Variants in UCK2 observed in about 807,000 individuals in gnomAD.
UCK2 encodes uridine-cytidine kinase 2, also known as cytidine monophosphokinase 2.
Under a neutral mutation model 30.8 loss-of-function variants are expected in UCK2, and 6 were observed. The ratio of observed to expected loss-of-function variants is 0.19; its 90% CI spans 0.11 to 0.38. UCK2 has a LOEUF of 0.38. Among genes scored for constraint, UCK2 ranks in the 10% least tolerant of loss-of-function variants. The pLI is 1.00. For synonymous variants in UCK2, 125 were observed against 133.6 expected, an observed-to-expected ratio of 0.94 and a Z score of 0.45; for missense variants, 210 against 339.8, an observed-to-expected ratio of 0.62 and a Z score of 3.00.
At chr1:165,829,041 C>T (rs1218443466) in intron 1 of UCK2, among the ~76,000 whole-genome samples, 1 of 152,074 alleles carries the variant, frequency 6.6e-6, no homozygotes, top group Non-Finnish European at 1.5e-5. Context: ...GTTTTAGCTC[C>T]CGAACCGACT....
chr1:165,873,992 A>G (rs1170721056), intron 1 of UCK2, among the ~76,000 whole-genome samples: 1 of 152,174 alleles, frequency 6.6e-6, no homozygotes, highest in African/African-American at 2.4e-5. Flanking sequence ...AAACATAGGT[A>G]ATGACTTTAG....
chr1:165,885,657 C>A (rs776368851), intron 1 of UCK2, among the ~76,000 whole-genome samples: 3 of 152,224 alleles, frequency 2.0e-5, no homozygotes, highest in South Asian at 2.1e-4. Context: ...GCCTGTGAGA[C>A]AGCGCTATGC....
At chr1:165,882,151 T>A (rs1204377992) in intron 1 of UCK2, among the ~76,000 whole-genome samples, 1 of 152,168 alleles carries the variant, frequency 6.6e-6, no homozygotes, top group Non-Finnish European at 1.5e-5. Flanking sequence ...TGGGTAAATA[T>A]CTGGAGGTCG....
chr1:165,834,460 A>G (rs1326587922), intron 1 of UCK2, among the ~76,000 whole-genome samples: 3 of 152,128 alleles, frequency 2.0e-5, no homozygotes, highest in Non-Finnish European at 4.4e-5. Flanking sequence ...GCAAGACCCT[A>G]TATCAGAAAA....
At chr1:165,899,265 C>T (rs1647378787) in intron 4 of UCK2, among the ~76,000 whole-genome samples, 1 of 152,266 alleles carries the variant, frequency 6.6e-6, no homozygotes. Context: ...TTTCTAGCCT[C>T]ATTTGCCTTC....
At chr1:165,859,854 T>G (rs534214806) in intron 1 of UCK2, among the ~76,000 whole-genome samples, 5 of 152,144 alleles carry the variant, frequency 3.3e-5, no homozygotes, top group African/African-American at 9.6e-5. Context: ...CTTCCCAAAC[T>G]CAACTCTGGG....
At chr1:165,872,048 C>T (rs1189989886) in intron 1 of UCK2, among the ~76,000 whole-genome samples, 9 of 151,234 alleles carry the variant, frequency 6.0e-5, no homozygotes, top group East Asian at 1.9e-4. Context: ...CTCTTTTTGC[C>T]GGCTGCTCTA....
chr1:165,877,787 G>A (rs1400647723), intron 1 of UCK2, among the ~76,000 whole-genome samples: 1 of 152,110 alleles, frequency 6.6e-6, no homozygotes, highest in Non-Finnish European at 1.5e-5. Context: ...TGATCATATG[G>A]TAGTTTAGTT....
rs558523129 is a variant in UCK2, at chr1:165,889,829, C to T, written c.100-375C>T. On this transcript the variant is annotated intron_variant, in intron 1 of 6. Transcript: ENST00000367879. The stretch of plus-strand genomic sequence containing the variant: ...GTACCCATTAGTTATTTTTCCTTAT[C>T]CTCTGCTTCCTCCCACCCGCCACCT... Among the ~76,000 whole-genome samples, 63 of 151,632 alleles carry T rather than the reference C, an allele frequency of 4.2e-4. 2 individuals carry two copies. The highest frequency in any genetic ancestry group is 3.3e-3 in the South Asian group (16 of 4,780).
In UCK2 at chr1:165,909,696, C is replaced by T. The variant is rs1476874769; in HGVS notation, c.*1873C>T. On this transcript the variant is annotated 3_prime_UTR_variant, in exon 7 of 7. Transcript: ENST00000367879. ...TGCCTCCTTTGAAAGCCGGTGCTCACCAAGATCAGTTCAGGATCAATCATT... is the reference window on the plus strand; with the variant it reads ...TGCCTCCTTTGAAAGCCGGTGCTCATCAAGATCAGTTCAGGATCAATCATT... 6.6e-6 allele frequency: 1 copy of T among 152,270 alleles called. No homozygotes were observed. The allele number at this position is 152,270 out of a possible 1,614,324, so 9.4% of individuals were successfully genotyped here.
intron 2 of UCK2, 114 bp from the exon 3 acceptor site, chr1:165,891,112 T>G: frequency 1.1e-6 from 1 of 916,324 alleles, no homozygotes; most frequent in East Asian, 2.7e-5. Context: ...AGCAGTATGA[T>G]TACCTTTAAA....
At chr1:165,888,740 C>T (rs571444577) in intron 1 of UCK2, among the ~76,000 whole-genome samples, 11 of 149,790 alleles carry the variant, frequency 7.3e-5, no homozygotes, top group Admixed American at 1.3e-4. Flanking sequence ...CCTTCAGCCT[C>T]CCAAAGTTAT....
rs1428126805 is a variant in UCK2, at chr1:165,910,419, G to C, written c.*2596G>C. The C allele has an allele frequency of 6.6e-6, 1 of 152,272 alleles. No homozygotes were observed. The highest frequency in any genetic ancestry group is 2.4e-5 in the African/African-American group (1 of 41,370). The allele number at this position is 152,272 out of a possible 1,614,324, so 9.4% of individuals were successfully genotyped here. On this transcript the variant is annotated 3_prime_UTR_variant, in exon 7 of 7. Transcript: ENST00000367879. The stretch of plus-strand genomic sequence containing the variant: ...GAGTGGGGTGATGTTGGTTGTATGT[G>C]CATAGAAGTCCCCTGGCTCCAGAGC...
intron 1 of UCK2, among the ~76,000 whole-genome samples, chr1:165,833,308 C>T (rs1654100203): frequency 6.6e-6 from 1 of 152,150 alleles, no homozygotes. Flanking sequence ...TCCCTTTCCC[C>T]CTTACTCTAG....
In UCK2 at chr1:165,883,205, A is replaced by G. The variant is rs377389757; in HGVS notation, c.100-6999A>G. On this transcript the variant is annotated intron_variant, in intron 1 of 6. Coordinates refer to ENST00000367879, the MANE Select transcript of UCK2 (RefSeq NM_012474.5). ...TTAGTTAGAATGATAGCAGTGCTGC[A>G]AGGTGGCTGCTTGAGCTTCAGCTAT... Among the ~76,000 whole-genome samples the G allele has an allele frequency of 5.3e-5, 8 of 152,206 alleles. No homozygotes were observed. The East Asian group carries it at 7.7e-4, about 15-fold the overall frequency.
At chr1:165,872,603 A>G (rs1470898406) in intron 1 of UCK2, among the ~76,000 whole-genome samples, 2 of 152,248 alleles carry the variant, frequency 1.3e-5, no homozygotes, top group Non-Finnish European at 2.9e-5. Flanking sequence ...ATGTATATCC[A>G]TACATTAAGT....
chr1:165,855,908 G>A (rs917472615), intron 1 of UCK2, among the ~76,000 whole-genome samples: 12 of 152,078 alleles, frequency 7.9e-5, no homozygotes, highest in Middle Eastern at 3.2e-3. Context: ...TCTCTGCTTG[G>A]CCTTTTTACG....
intron 1 of UCK2, among the ~76,000 whole-genome samples, chr1:165,845,930 G>A (rs939051016): frequency 2.0e-5 from 3 of 152,180 alleles, no homozygotes; most frequent in Non-Finnish European, 2.9e-5. Flanking sequence ...GCCTCCGAAA[G>A]TGTTGGGGTT....
chr1:165,897,424 A>T (rs985133124), intron 4 of UCK2, among the ~76,000 whole-genome samples: 14 of 151,876 alleles, frequency 9.2e-5, no homozygotes, highest in Non-Finnish European at 7.4e-5. Flanking sequence ...AGATGAGAAG[A>T]GTATTAGCAG....
Sources: allele counts gnomAD v4.1 joint callset (sites outside exome capture counted in the v4.1 genomes callset), GRCh38; gene constraint gnomAD v4.1.1; transcripts MANE v1.5; gene names NCBI Gene and HGNC (gene_info 2026-07-23, HGNC 2026-07-21).